SP140: variants seen among roughly 807,000 people sequenced by gnomAD.
The protein encoded by SP140 is SP140 nuclear body protein.
Under a neutral mutation model 125.0 loss-of-function variants are expected in SP140, and 81 were observed. That is an observed-to-expected ratio of 0.65 (90% confidence interval 0.54 to 0.78). SP140 has a LOEUF of 0.78. Among genes scored for constraint, SP140 ranks in the 30% least tolerant of loss-of-function variants. The pLI, the probability that SP140 is intolerant of heterozygous loss-of-function variation, is 0.00. For missense variants in SP140, 858 were observed against 1,037.0 expected, an observed-to-expected ratio of 0.83 and a Z score of 2.37; for synonymous variants, 312 against 354.0, an observed-to-expected ratio of 0.88 and a Z score of 1.33.
upstream of SP140, among the ~76,000 whole-genome samples, chr2:230,199,190 C>T (rs933213855): frequency 3.5e-5 from 5 of 144,240 alleles, no homozygotes; most frequent in African/African-American, 1.3e-4. Context: ...CTGTCACACA[C>T]AGCAACATAA....
chr2:230,315,949 A>G (rs1402604567), downstream of SP140, among the ~76,000 whole-genome samples: 1 of 152,212 alleles, frequency 6.6e-6, no homozygotes, highest in African/African-American at 2.4e-5. Flanking sequence ...GTGATATGCA[A>G]CTATTAATAT....
At chr2:230,288,501 C>T (rs1406661082) in intron 18 of SP140, among the ~76,000 whole-genome samples, 2 of 119,150 alleles carry the variant, frequency 1.7e-5, no homozygotes, top group South Asian at 3.4e-4. Flanking sequence ...TTCTTTCTTT[C>T]TTTCTTTCTT....
At chr2:230,241,300 G>A in intron 3 of SP140, 104 bp from the exon 4 acceptor site, 1 of 735,114 alleles carries the variant, frequency 1.4e-6, no homozygotes, top group Non-Finnish European at 2.5e-6. Flanking sequence ...GGACCTCGGG[G>A]GTGGGAGATC....
intron 10 of SP140, among the ~76,000 whole-genome samples, chr2:230,252,011 A>G (rs749454345): frequency 2.9e-4 from 44 of 152,100 alleles, no homozygotes; most frequent in Non-Finnish European, 4.3e-4. Context: ...ACTGAGTCCA[A>G]TGTGGATGCC....
At chr2:230,212,288 G>C in intron 1 of SP140, 1 of 1,255,916 alleles carries the variant, frequency 8.0e-7, no homozygotes, top group Non-Finnish European at 1.2e-6. Context: ...GTTGGCAGAC[G>C]CATGTTCTCC....
chr2:230,248,908 C>G lies in SP140; in HGVS notation c.916C>G (p.Gln306Glu). 1 of 1,612,620 alleles carries G rather than the reference C, an allele frequency of 6.2e-7. No homozygotes were observed. ...AGAGACCTTTGATCTAAAAACTCCC[C>G]AAGTCACTAATGAAGGAGAACCAGA... ...DKETFDLKTP[Q>E]VTNEGEPEKG... The change falls in exon 9 of 27, where the codon CAA becomes GAA. Residue 306 changes from glutamine (Q) to glutamate (E), a missense_variant. Physicochemically the swap from Gln to Glu is conservative, Grantham distance 29. Around this residue, in one of 4 missense-constraint regions of SP140, gnomAD observed 791 missense variants for 869.5 expected, o/e 0.91. Coordinates refer to ENST00000392045, the MANE Select transcript of SP140 (RefSeq NM_007237.5).
intron 22 of SP140, among the ~76,000 whole-genome samples, chr2:230,302,246 T>C (rs1364464767): frequency 1.3e-5 from 2 of 151,056 alleles, no homozygotes; most frequent in Non-Finnish European, 3.0e-5. Flanking sequence ...AAAAAAAAAT[T>C]AGCTGGGCGT....
At chr2:230,187,438 G>C in the SP140 span, among the ~76,000 whole-genome samples, 1 of 152,064 alleles carries the variant, frequency 6.6e-6, no homozygotes. Context: ...CCATTCTGTG[G>C]GTTGTCTGTT....
Position 230,237,824 on chromosome 2 carries a change from G to A in SP140, c.238-389G>A, listed in dbSNP as rs1197915925. Among the ~76,000 whole-genome samples the A allele has an allele frequency of 1.0e-5, 1 of 95,722 alleles. No individual in the cohort carries two copies. The highest frequency in any genetic ancestry group is 2.3e-5 in the Non-Finnish European group (1 of 43,340). The allele number at this position is 95,722 out of a possible 152,430, so 62.8% of individuals were successfully genotyped here. ...TGAATTTTCTGTGCCCTTTGGCCAG[G>A]AGTCATAGTGGGGGCTGGTTGATTG... On this transcript the variant is annotated intron_variant, in intron 2 of 26. Coordinates refer to ENST00000392045, the MANE Select transcript of SP140 (RefSeq NM_007237.5). This position sits in a 1 kb window ranked among gnomAD's most constrained non-coding sequence, Gnocchi z 5.4.
intron 12 of SP140, among the ~76,000 whole-genome samples, chr2:230,265,971 G>T (rs1376522212): frequency 6.6e-6 from 1 of 152,166 alleles, no homozygotes; most frequent in Non-Finnish European, 1.5e-5. Flanking sequence ...AGAAGATTCA[G>T]TGTGGGTGAC....
intron 12 of SP140, among the ~76,000 whole-genome samples, chr2:230,265,790 C>CCG (rs2053012794): frequency 1.4e-5 from 2 of 142,542 alleles, no homozygotes; most frequent in Admixed American, 6.9e-5. Context: ...CTCAGTTTTA[C>CCG]GGGGGGGGGC....
chr2:230,234,763 G>A (rs750598869), intron 1 of SP140, among the ~76,000 whole-genome samples: 8 of 152,116 alleles, frequency 5.3e-5, no homozygotes, highest in East Asian at 1.9e-4. Flanking sequence ...TTCCAAGGTC[G>A]TTTTATTTTC....
Position 230,214,953 on chromosome 2 carries a change from G to A in SP140, c.-91+879G>A, listed in dbSNP as rs201836856. 22 of 1,613,494 alleles carry A rather than the reference G, an allele frequency of 1.4e-5. No homozygotes were observed. Among genetic ancestry groups the A allele is most frequent in the East Asian group, 4.5e-5 (2 of 44,870 alleles). ...AGCACTTGAGAAATCTCATTACCAC[G>A]TTTGAAGCTTCTGTAAATCGTCACC... is the stretch of plus-strand genomic sequence containing the variant. On this transcript the variant is annotated intron_variant, in intron 3 of 4. Transcript: ENST00000456542.
At position 230,212,397 on chromosome 2, in the gene SP140, G is replaced by A. The variant is rs28930679; in HGVS notation, c.-322-1257G>A. The A allele has an allele frequency of 0.23, 371,501 of 1,606,272 alleles. 44,658 individuals are homozygous for A. Among genetic ancestry groups the A allele is most frequent in the Middle Eastern group, 0.27 (1,643 of 6,046 alleles). On this transcript the variant is annotated intron_variant, in intron 1 of 4. Transcript: ENST00000456542. ...GGGCATCTCTTCTGAGTCTTCTTCC[G>A]CATTCATTTTGGATGTTAACTTGTC... is the stretch of plus-strand genomic sequence containing the variant.
At chr2:230,295,785 CA>C (rs2057649646) in intron 21 of SP140, among the ~76,000 whole-genome samples, 1 of 152,194 alleles carries the variant, frequency 6.6e-6, no homozygotes, top group Non-Finnish European at 1.5e-5. Flanking sequence ...TATTGTAAAG[CA>C]ATCTGATATA....
At chr2:230,208,053 T>C (rs200061414) in intron 1 of SP140, 7 of 1,528,534 alleles carry the variant, frequency 4.6e-6, no homozygotes, top group Non-Finnish European at 6.3e-6. Flanking sequence ...TCTTTTTCTT[T>C]TCTTTCCTAA....
chr2:230,221,600 G>A, upstream of SP140: 1 of 1,075,098 alleles, frequency 9.3e-7, no homozygotes. Flanking sequence ...TGAGGAGAGG[G>A]TGCATTGATG....
intron 12 of SP140, among the ~76,000 whole-genome samples, chr2:230,265,853 C>T (rs1212788169): frequency 6.6e-6 from 1 of 151,982 alleles, no homozygotes; most frequent in East Asian, 1.9e-4. Flanking sequence ...GTCATGTTGC[C>T]TAGGCTGGTC....
intron 3 of SP140, among the ~76,000 whole-genome samples, chr2:230,220,532 G>C (rs544974768): frequency 2.6e-5 from 4 of 152,318 alleles, no homozygotes; most frequent in Non-Finnish European, 5.9e-5. Flanking sequence ...GAGGCAGGCA[G>C]ACCTCCAGGC....
Sources: gnomAD v4.1 joint callset for allele counts (sites outside exome capture counted in the v4.1 genomes callset) on GRCh38, gnomAD v4.1.1 for gene constraint, gnomAD v4.1.1 regional missense constraint, Gnocchi (gnomAD v3.1) non-coding constraint, MANE v1.5 for transcripts, NCBI Gene and HGNC (gene_info 2026-07-23, HGNC 2026-07-21) for gene names.